ERC2: variants seen among roughly 807,000 people sequenced by gnomAD.
ERC2 encodes the protein ERC protein 2.
A neutral mutation model predicts 114.8 loss-of-function variants in ERC2; 42 were observed. The ratio of observed to expected loss-of-function variants is 0.37; its 90% CI spans 0.29 to 0.47. The LOEUF (loss-of-function observed/expected upper bound fraction) is 0.47, where lower values mean the gene tolerates loss of function less well. ERC2 is among the 20% of genes least tolerant of loss of function. The pLI is 0.99. For synonymous variants in ERC2, 454 were observed against 425.5 expected (o/e 1.07, Z -0.82); for missense variants, 939 against 1,150.7 (o/e 0.82, Z 2.66).
intron 4 of ERC2, among the ~76,000 whole-genome samples, chr3:56,169,142 C>A (rs938192618): frequency 1.1e-4 from 16 of 152,060 alleles, no homozygotes; most frequent in Admixed American, 9.8e-4. Flanking sequence ...TTAACAAGTT[C>A]ACCAAATCAC....
At chr3:55,692,888 T>C (rs1340745701) in intron 16 of ERC2, among the ~76,000 whole-genome samples, 1 of 152,086 alleles carries the variant, frequency 6.6e-6, no homozygotes. Context: ...GTGACCAGAG[T>C]TTGAAGAGAA....
intron 3 of ERC2, among the ~76,000 whole-genome samples, chr3:56,276,949 T>C (rs1371619403): frequency 6.6e-6 from 1 of 152,196 alleles, no homozygotes; most frequent in Non-Finnish European, 1.5e-5. Flanking sequence ...TTGGACAAGC[T>C]TGTACCAGTA....
Position 56,149,021 on chromosome 3 carries a change from GT to G in ERC2, c.1260del (p.Lys420AsnfsTer13), listed in dbSNP as rs2081286807. Reference protein sequence around the residue: ...LNTEDREEEIKQIEVYKSHSK... With the variant: ...LNTEDREEEIXQIEVYKSHSK... ...GAGTGACTTTTGTAAACCTCAATTTGTTTGATCTCTTCTTCGCGGTCCTCAG... is the reference window on the plus strand; with the variant it reads ...GAGTGACTTTTGTAAACCTCAATTTGTTGATCTCTTCTTCGCGGTCCTCAG... On this transcript the variant is annotated frameshift_variant, in exon 5 of 18. Coordinates refer to ENST00000288221, the MANE Select transcript of ERC2 (RefSeq NM_015576.3). LOFTEE classifies it high-confidence loss of function. The G allele has an allele frequency of 6.2e-7, 1 of 1,613,180 alleles. No homozygotes were observed. Among genetic ancestry groups the G allele is most frequent in the Non-Finnish European group, 8.5e-7 (1 of 1,179,516 alleles).
At chr3:56,428,878 C>T (rs1383077092) in intron 2 of ERC2, among the ~76,000 whole-genome samples, 8 of 152,184 alleles carry the variant, frequency 5.3e-5, no homozygotes, top group East Asian at 1.9e-4. Context: ...CTTCTGCACA[C>T]GCAAGATGGG....
At chr3:56,179,961 A>T (rs2083200532) in intron 3 of ERC2, among the ~76,000 whole-genome samples, 1 of 152,070 alleles carries the variant, frequency 6.6e-6, no homozygotes, top group Admixed American at 6.6e-5. Context: ...GAAAGAAGAG[A>T]GATCAGAGTA....
At chr3:56,412,655 G>A (rs1192154075) in intron 2 of ERC2, among the ~76,000 whole-genome samples, 1 of 152,124 alleles carries the variant, frequency 6.6e-6, no homozygotes, top group African/African-American at 2.4e-5. Context: ...AACCACCTGG[G>A]TTGGCTTCCA....
At chr3:55,627,422 C>T (rs373349612) in intron 17 of ERC2, among the ~76,000 whole-genome samples, 6 of 151,940 alleles carry the variant, frequency 3.9e-5, no homozygotes, top group South Asian at 4.2e-4. Context: ...GCTGAGATCA[C>T]GCCATTGTAC....
chr3:55,884,280 A>G (rs2063262361), intron 14 of ERC2, among the ~76,000 whole-genome samples: 1 of 152,226 alleles, frequency 6.6e-6, no homozygotes, highest in East Asian at 1.9e-4. Context: ...TTTGCAACAT[A>G]GAAGGTTGTT....
intron 3 of ERC2, among the ~76,000 whole-genome samples, chr3:56,236,517 C>A (rs1303127583): frequency 6.6e-6 from 1 of 152,132 alleles, no homozygotes; most frequent in African/African-American, 2.4e-5. Context: ...GGCATCCCAT[C>A]CTTGGGGCTT....
intron 15 of ERC2, among the ~76,000 whole-genome samples, chr3:55,733,073 C>A (rs896510732): frequency 1.3e-5 from 2 of 152,106 alleles, no homozygotes; most frequent in Non-Finnish European, 2.9e-5. Flanking sequence ...ACCACAAGTG[C>A]ATGGTATATT....
intron 7 of ERC2, among the ~76,000 whole-genome samples, chr3:56,035,248 A>G (rs1224537169): frequency 6.6e-6 from 1 of 152,216 alleles, no homozygotes; most frequent in Non-Finnish European, 1.5e-5. Flanking sequence ...ATTTTTAGAA[A>G]CACGTAACCT....
chr3:55,525,106 C>A (rs549225666), intron 17 of ERC2, among the ~76,000 whole-genome samples: 6 of 152,208 alleles, frequency 3.9e-5, no homozygotes, highest in Non-Finnish European at 7.3e-5. Flanking sequence ...TCTAAAGCAT[C>A]ATTTCTCTGA....
intron 7 of ERC2, among the ~76,000 whole-genome samples, chr3:56,039,212 A>G (rs149378411): frequency 1.3e-5 from 2 of 152,316 alleles, no homozygotes; most frequent in Admixed American, 1.3e-4. Context: ...TGTACCCTGA[A>G]ACTTAAAATA....
intron 6 of ERC2, among the ~76,000 whole-genome samples, chr3:56,092,988 T>C (rs1305395039): frequency 6.6e-6 from 1 of 152,166 alleles, no homozygotes; most frequent in Admixed American, 6.5e-5. Context: ...AAGTAATAAT[T>C]TTGTGATCTT....
At chr3:56,188,549 G>T (rs2083777320) in intron 3 of ERC2, among the ~76,000 whole-genome samples, 1 of 152,238 alleles carries the variant, frequency 6.6e-6, no homozygotes, top group African/African-American at 2.4e-5. Context: ...AGAGAACACA[G>T]TTATGGTGGT....
intron 4 of ERC2, among the ~76,000 whole-genome samples, chr3:56,167,860 G>C (rs1393786132): frequency 6.6e-6 from 1 of 152,054 alleles, no homozygotes; most frequent in Non-Finnish European, 1.5e-5. Flanking sequence ...GCCCTATTTG[G>C]AGCCATGATA....
intron 3 of ERC2, among the ~76,000 whole-genome samples, chr3:56,226,514 A>G (rs1016320989): frequency 6.6e-6 from 1 of 152,164 alleles, no homozygotes; most frequent in Non-Finnish European, 1.5e-5. Context: ...TGACATTGTC[A>G]CCGCACTCCA....
At chr3:56,189,671 T>C (rs533358522) in intron 3 of ERC2, among the ~76,000 whole-genome samples, 1 of 152,338 alleles carries the variant, frequency 6.6e-6, no homozygotes, top group East Asian at 1.9e-4. Flanking sequence ...AGGGCTGTTC[T>C]TGGCATCCCC....
chr3:55,738,698 G>A (rs745801136), intron 14 of ERC2, among the ~76,000 whole-genome samples: 26 of 152,138 alleles, frequency 1.7e-4, no homozygotes, highest in Non-Finnish European at 3.1e-4. Flanking sequence ...CCTTTTCTAC[G>A]TCAAAATTTG....
Sources: gnomAD v4.1 joint callset for allele counts (sites outside exome capture counted in the v4.1 genomes callset) on GRCh38, gnomAD v4.1.1 for gene constraint, MANE v1.5 for transcripts, NCBI Gene and HGNC (gene_info 2026-07-23, HGNC 2026-07-21) for gene names.